SPAG16: variants seen among roughly 807,000 people sequenced by gnomAD.
SPAG16 encodes the protein sperm-associated antigen 16 protein.
A neutral mutation model predicts 80.4 loss-of-function variants in SPAG16; 86 were observed. That is an observed-to-expected ratio of 1.07 (90% CI 0.90 to 1.28). The LOEUF (loss-of-function observed/expected upper bound fraction) is 1.28. SPAG16 is among the 50% of genes most tolerant of loss of function. The pLI, the probability that SPAG16 is intolerant of heterozygous loss-of-function variation, is 0.00. For synonymous variants in SPAG16, 294 were observed against 265.9 expected (o/e 1.11, Z -1.03); for missense variants, 870 against 765.3 (o/e 1.14, Z -1.61).
At chr2:214,369,527 C>T (rs1040775941) in intron 15 of SPAG16, among the ~76,000 whole-genome samples, 3 of 152,126 alleles carry the variant, frequency 2.0e-5, no homozygotes, top group African/African-American at 7.2e-5. Context: ...AACCTACTCA[C>T]ATTTTAACTG....
intron 10 of SPAG16, among the ~76,000 whole-genome samples, chr2:213,802,683 G>A (rs1376216812): frequency 3.9e-5 from 6 of 152,062 alleles, no homozygotes; most frequent in Non-Finnish European, 8.8e-5. Context: ...GAGTATTCAT[G>A]ATTTAAAAAA....
chr2:213,478,270 T>C (rs574877635), intron 9 of SPAG16, among the ~76,000 whole-genome samples: 3 of 152,312 alleles, frequency 2.0e-5, no homozygotes, highest in African/African-American at 7.2e-5. Context: ...CATATAAAGA[T>C]AGAAGAATAT....
intron 7 of SPAG16, among the ~76,000 whole-genome samples, chr2:213,354,353 G>A (rs1387032519): frequency 6.6e-6 from 1 of 152,144 alleles, no homozygotes; most frequent in African/African-American, 2.4e-5. Flanking sequence ...ACATACATGT[G>A]CATGTATCTT....
intron 9 of SPAG16, among the ~76,000 whole-genome samples, chr2:213,451,754 G>T (rs1002121827): frequency 6.6e-6 from 1 of 152,160 alleles, no homozygotes; most frequent in African/African-American, 2.4e-5. Context: ...GGTTAGGACC[G>T]GGTGTGCCGT....
At chr2:213,338,777 C>T (rs1158401114) in intron 5 of SPAG16, among the ~76,000 whole-genome samples, 2 of 152,156 alleles carry the variant, frequency 1.3e-5, no homozygotes, top group Admixed American at 6.5e-5. Flanking sequence ...AAACCAAACA[C>T]TGCATGTTCT....
At chr2:213,345,170 A>G (rs1280699184) in intron 6 of SPAG16, among the ~76,000 whole-genome samples, 5 of 147,044 alleles carry the variant, frequency 3.4e-5, no homozygotes, top group African/African-American at 1.3e-4. Context: ...TGGCTGCATA[A>G]ATGTCTTCTT....
At chr2:214,366,628 A>G (rs749505847) in intron 15 of SPAG16, among the ~76,000 whole-genome samples, 2 of 152,154 alleles carry the variant, frequency 1.3e-5, no homozygotes, top group Non-Finnish European at 2.9e-5. Flanking sequence ...TGTGCATTAT[A>G]TCATTTATGC....
intron 10 of SPAG16, among the ~76,000 whole-genome samples, chr2:213,509,143 C>T (rs1271807976): frequency 6.6e-6 from 1 of 151,968 alleles, no homozygotes; most frequent in African/African-American, 2.4e-5. Flanking sequence ...ATTAAAGGCA[C>T]CTGCCACCAC....
At chr2:214,127,064 A>T (rs1334122176) in intron 14 of SPAG16, among the ~76,000 whole-genome samples, 1 of 151,806 alleles carries the variant, frequency 6.6e-6, no homozygotes, top group Non-Finnish European at 1.5e-5. Flanking sequence ...GCAGTTTGCC[A>T]CTATGTCAGC....
intron 13 of SPAG16, among the ~76,000 whole-genome samples, chr2:214,075,390 AC>A (rs558739300): frequency 6.6e-6 from 1 of 152,148 alleles, no homozygotes; most frequent in South Asian, 2.1e-4. Context: ...AAAATTAAAA[AC>A]TTTATTGATA....
chr2:214,178,581 A>G (rs772673071), intron 15 of SPAG16, among the ~76,000 whole-genome samples: 18 of 151,440 alleles, frequency 1.2e-4, no homozygotes, highest in Non-Finnish European at 1.3e-4. Context: ...CTTTAAGTCT[A>G]TATTGCTTTT....
intron 9 of SPAG16, among the ~76,000 whole-genome samples, chr2:213,380,313 A>G (rs2067104489): frequency 6.6e-6 from 1 of 152,150 alleles, no homozygotes; most frequent in Non-Finnish European, 1.5e-5. Flanking sequence ...TGGTGCCTGC[A>G]TATTGTGCAG....
At position 213,351,229 on chromosome 2, in the gene SPAG16, C is replaced by G. The variant is rs889276188; in HGVS notation, c.762+584C>G. ...TTATAGTTAGAAGAAAAAACTTAGC[C>G]ATTGTGGTCAAACTTGGGTTTAAAT... On this transcript the variant is annotated intron_variant, in intron 7 of 15. Transcript: ENST00000331683. Among the ~76,000 whole-genome samples, 4 of 152,176 alleles carry G rather than the reference C, an allele frequency of 2.6e-5. No individual in the cohort carries two copies. The East Asian group carries it at 7.7e-4, about 29-fold the overall frequency.
intron 11 of SPAG16, among the ~76,000 whole-genome samples, chr2:213,895,788 T>G (rs973217601): frequency 6.6e-6 from 1 of 152,088 alleles, no homozygotes; most frequent in African/African-American, 2.4e-5. Flanking sequence ...AAAAATGGAC[T>G]AAAGACTTAA....
At chr2:213,420,378 G>A (rs184433882) in intron 9 of SPAG16, among the ~76,000 whole-genome samples, 14 of 152,268 alleles carry the variant, frequency 9.2e-5, no homozygotes, top group Middle Eastern at 6.8e-3. Flanking sequence ...CTGACTGATA[G>A]TACCTGTTTT....
At chr2:214,122,153 A>C (rs961294404) in intron 14 of SPAG16, among the ~76,000 whole-genome samples, 1 of 151,790 alleles carries the variant, frequency 6.6e-6, no homozygotes, top group African/African-American at 2.4e-5. Context: ...TAAACTTGCC[A>C]TACATATTTT....
rs1026072899 is a variant in SPAG16 at position 213,683,034 on chromosome 2, C to T, written c.1071-179451C>T. On this transcript the variant is annotated intron_variant, in intron 10 of 15. Coordinates refer to ENST00000331683, the MANE Select transcript of SPAG16 (RefSeq NM_024532.5). ...CATCTCAACATCTCACAGCCACAAA[C>T]TGGATATTGCGTCCTAATAATGAAT... Among the ~76,000 whole-genome samples, 9 of 152,158 alleles carry T rather than the reference C, an allele frequency of 5.9e-5. 1 individual carries two copies. The highest frequency in any genetic ancestry group is 2.2e-4 in the African/African-American group (9 of 41,442).
chr2:214,198,147 A>G (rs2057900248), intron 15 of SPAG16, among the ~76,000 whole-genome samples: 1 of 151,866 alleles, frequency 6.6e-6, no homozygotes, highest in Non-Finnish European at 1.5e-5. Flanking sequence ...GGTTACATGG[A>G]TAAGTTCTTC....
intron 10 of SPAG16, among the ~76,000 whole-genome samples, chr2:213,684,748 C>T (rs1422034456): frequency 6.6e-6 from 1 of 152,136 alleles, no homozygotes; most frequent in Non-Finnish European, 1.5e-5. Flanking sequence ...TAAGCTTATC[C>T]ATTATGTAAC....
Sources: gnomAD v4.1 joint callset for allele counts (sites outside exome capture counted in the v4.1 genomes callset) on GRCh38, gnomAD v4.1.1 for gene constraint, MANE v1.5 for transcripts, NCBI Gene and HGNC (gene_info 2026-07-23, HGNC 2026-07-21) for gene names.